Variants in TDRD9 observed in about 807,000 individuals in gnomAD.
The protein encoded by TDRD9 is tudor domain containing 9.
A neutral mutation model predicts 172.6 loss-of-function variants in TDRD9; 124 were observed. The ratio of observed to expected loss-of-function variants is 0.72; its 90% CI spans 0.62 to 0.83. The LOEUF (loss-of-function observed/expected upper bound fraction) is 0.83, where lower values mean the gene tolerates loss of function less well. Ranked by LOEUF, TDRD9 falls within the 40% of genes least tolerant of loss-of-function variation. The pLI is 0.00. For missense variants in TDRD9, 1,479 were observed against 1,714.1 expected (o/e 0.86, Z 2.42); for synonymous variants, 619 against 617.1 (o/e 1.00, Z -0.05).
intron 1 of TDRD9, chr14:103,941,800 AT>A (rs2031254489): frequency 2.3e-5 from 19 of 833,248 alleles, no homozygotes; most frequent in African/African-American, 5.2e-5. Context: ...AAAGTGCACG[AT>A]TTTTTTTCAC....
Position 103,928,605 on chromosome 14 carries a change from C to A in TDRD9, c.96C>A (p.Phe32Leu). 1 of 1,339,128 alleles carries A rather than the reference C, an allele frequency of 7.5e-7. No individual in the cohort carries two copies. Among genetic ancestry groups the A allele is most frequent in the Middle Eastern group, 2.2e-4 (1 of 4,578 alleles). 83.0% of individuals were successfully genotyped at this position (1,339,128 alleles called of 1,614,324 possible). The change falls in exon 1 of 36, where the codon TTC (phenylalanine) becomes TTA (leucine). Residue 32 changes from phenylalanine (F) to leucine (L), a missense_variant. By Grantham distance (22) the Phe-to-Leu change is conservative. Around this residue, in one of 3 missense-constraint regions of TDRD9, gnomAD observed 63 missense variants for 48.4 expected, o/e 1.30. Transcript: ENST00000409874. ...NVELLGAPPA[F>L]PAGAAREEVQ... ...AGCTGCTGGGCGCGCCGCCCGCCTT[C>A]CCGGCAGGGGCGGCCAGGGAGGAGG...
intron 34 of TDRD9, 27 bp downstream of exon 34, chr14:104,042,214 T>G (rs1012217452): frequency 3.4e-6 from 5 of 1,484,242 alleles, no homozygotes; most frequent in Non-Finnish European, 4.7e-6. Flanking sequence ...CGCGGGCTTC[T>G]TTTCTTCCCA....
At chr14:103,950,737 A>G (rs780732710) in intron 1 of TDRD9, among the ~76,000 whole-genome samples, 41 of 152,312 alleles carry the variant, frequency 2.7e-4, no homozygotes, top group Admixed American at 6.5e-4. Flanking sequence ...CATGTGTGAA[A>G]TGTGTCAGAG....
chr14:103,985,215 A>G (rs1361115046), intron 7 of TDRD9, among the ~76,000 whole-genome samples: 1 of 152,098 alleles, frequency 6.6e-6, no homozygotes, highest in Non-Finnish European at 1.5e-5. Flanking sequence ...GAGATTTGGG[A>G]GGGGCCAGAG....
intron 2 of TDRD9, among the ~76,000 whole-genome samples, chr14:103,961,949 G>A (rs2032531124): frequency 6.6e-6 from 1 of 152,136 alleles, no homozygotes; most frequent in Non-Finnish European, 1.5e-5. Flanking sequence ...GGTGAGTCGT[G>A]GGGTAAGGGA....
chr14:104,003,758 G>A (rs146441927), intron 13 of TDRD9, among the ~76,000 whole-genome samples: 118 of 152,274 alleles, frequency 7.7e-4, no homozygotes, highest in African/African-American at 2.7e-3. Context: ...CACGTAATGC[G>A]GTGTGGCTGA....
chr14:104,045,009 G>A (rs2035723593), intron 34 of TDRD9, among the ~76,000 whole-genome samples: 1 of 152,178 alleles, frequency 6.6e-6, no homozygotes, highest in Non-Finnish European at 1.5e-5. Flanking sequence ...AGGGCATGGT[G>A]ACACACGCCT....
At chr14:104,049,899 C>A in intron 35 of TDRD9, 1 of 513,352 alleles carries the variant, frequency 1.9e-6, no homozygotes, top group Non-Finnish European at 3.5e-6. Flanking sequence ...AAGAGTCAGA[C>A]ACCAGGATAA....
intron 23 of TDRD9, among the ~76,000 whole-genome samples, chr14:104,018,582 C>T (rs903901042): frequency 2.0e-5 from 3 of 152,152 alleles, no homozygotes; most frequent in East Asian, 1.9e-4. Flanking sequence ...AGTGTATCTG[C>T]TTATAGTTGT....
rs865969377 is a variant in TDRD9, at chr14:104,018,111, A to G, written c.2351A>G (p.Tyr784Cys). Residue 784 changes from tyrosine to cysteine, a missense_variant, in exon 23 of 36, where the codon TAT becomes TGT. Coordinates refer to ENST00000409874, the MANE Select transcript of TDRD9 (RefSeq NM_153046.3). Reference protein sequence around the residue: ...TTVVLKHIPPYGFLYYKQLQS... With the variant: ...TTVVLKHIPPCGFLYYKQLQS... ...TTACAGTTGAAACACATTCCTCCCT[A>G]TGGATTTCTTTACTATAAACAACTA... 1.4e-5 allele frequency: 23 copies of G among 1,601,312 alleles called. No homozygotes were observed. The highest frequency in any genetic ancestry group is 1.9e-5 in the Non-Finnish European group (22 of 1,170,554).
Position 103,971,891 on chromosome 14 carries a change from C to T in TDRD9, c.846+1270C>T, listed in dbSNP as rs141014840. Among the ~76,000 whole-genome samples, 55 of 152,302 alleles carry T rather than the reference C, an allele frequency of 3.6e-4. No homozygotes were observed. The East Asian group carries it at 9.8e-3, about 27-fold the overall frequency. ...AATGAAGCTGGGTGGTACAGTGGCT[C>T]ACGCCTGTAATCCCAGCAGTTTGGG... On this transcript the variant is annotated intron_variant, in intron 6 of 35. Transcript: ENST00000409874.
intron 3 of TDRD9, among the ~76,000 whole-genome samples, chr14:103,964,631 A>G (rs1450089022): frequency 6.6e-6 from 1 of 152,142 alleles, no homozygotes; most frequent in Non-Finnish European, 1.5e-5. Flanking sequence ...GGTTCAAGCA[A>G]TTCTCCTGCT....
chr14:104,012,507 A>G (rs945105558), intron 20 of TDRD9, among the ~76,000 whole-genome samples: 1 of 141,590 alleles, frequency 7.1e-6, no homozygotes, highest in Non-Finnish European at 1.6e-5. Flanking sequence ...GGGATTCTAA[A>G]TCATTGCTTT....
At chr14:103,935,342 A>C (rs2030689945) in intron 1 of TDRD9, among the ~76,000 whole-genome samples, 1 of 152,160 alleles carries the variant, frequency 6.6e-6, no homozygotes, top group African/African-American at 2.4e-5. Flanking sequence ...CATGTTCTTA[A>C]GCTAGAGGCA....
intron 8 of TDRD9, among the ~76,000 whole-genome samples, chr14:103,987,347 T>A (rs1055808608): frequency 3.9e-5 from 6 of 152,216 alleles, no homozygotes; most frequent in Non-Finnish European, 7.3e-5. Flanking sequence ...TCATTTCTTT[T>A]TAGCGCTAAA....
At position 103,991,168 on chromosome 14, in the gene TDRD9, C is replaced by G; in HGVS notation, c.1124C>G (p.Ala375Gly). Residue 375 changes from alanine (A) to glycine (G), a missense_variant, in exon 9 of 36, where the codon GCT becomes GGT. Around this residue, in one of 3 missense-constraint regions of TDRD9, gnomAD observed 1,413 missense variants for 1,649.1 expected, o/e 0.86. Transcript: ENST00000409874. The part of the protein sequence containing the change: ...DLDMKESGNK[A>G]WSGAQFVLER... ...CATCACATTTTTAACAGGAACAAGG[C>G]TTGGTCGGGGGCCCAGTTTGTGTTG... is the stretch of plus-strand genomic sequence containing the variant. 1 of 1,613,976 alleles carries G rather than the reference C, an allele frequency of 6.2e-7. No individual in the cohort carries two copies. Among genetic ancestry groups the G allele is most frequent in the Non-Finnish European group, 8.5e-7 (1 of 1,179,874 alleles).
intron 2 of TDRD9, among the ~76,000 whole-genome samples, chr14:103,961,611 G>A (rs948443937): frequency 3.3e-5 from 5 of 151,056 alleles, no homozygotes; most frequent in African/African-American, 4.9e-5. Context: ...AAGCCATATC[G>A]GCAGGACAGC....
chr14:103,962,539 T>C (rs2032556683), intron 2 of TDRD9, among the ~76,000 whole-genome samples: 1 of 152,052 alleles, frequency 6.6e-6, no homozygotes, highest in South Asian at 2.1e-4. Context: ...GTTACAAGAG[T>C]ATATTGGGTG....
Position 103,942,079 on chromosome 14 carries a change from G to T in TDRD9, c.215+13355G>T, listed in dbSNP as rs573640538. The T allele has an allele frequency of 1.9e-4, 36 of 190,404 alleles. No homozygotes were observed. The South Asian group carries it at 3.4e-3, about 18-fold the overall frequency. 11.8% of individuals were successfully genotyped at this position (190,404 alleles called of 1,614,324 possible). On this transcript the variant is annotated intron_variant, in intron 1 of 35. Transcript: ENST00000409874. ...TTGATTTATGTTTTGGACAGAAAAGGTTTAAAGCTTACCTGTTAAGTTGAT... is the reference window on the plus strand; with the variant it reads ...TTGATTTATGTTTTGGACAGAAAAGTTTTAAAGCTTACCTGTTAAGTTGAT...
Sources: gnomAD v4.1 joint callset for allele counts (sites outside exome capture counted in the v4.1 genomes callset) on GRCh38, gnomAD v4.1.1 for gene constraint, gnomAD v4.1.1 regional missense constraint, MANE v1.5 for transcripts, NCBI Gene and HGNC (gene_info 2026-07-23, HGNC 2026-07-21) for gene names.